Variants in NOL4 observed in about 807,000 individuals in gnomAD.
NOL4 encodes nucleolar protein 4.
Under a neutral mutation model 75.9 loss-of-function variants are expected in NOL4, and 17 were observed. That is an observed-to-expected ratio of 0.22 (90% CI 0.15 to 0.34). The LOEUF is 0.34. Among genes scored for constraint, NOL4 ranks in the 10% least tolerant of loss-of-function variants. NOL4 has a pLI of 1.00. For missense variants in NOL4, 614 were observed against 793.5 expected, an observed-to-expected ratio of 0.77 and a Z score of 2.72; for synonymous variants, 292 against 289.9, an observed-to-expected ratio of 1.01 and a Z score of -0.07.
At chr18:33,993,914 C>T (rs1241381333) in intron 6 of NOL4, among the ~76,000 whole-genome samples, 1 of 151,302 alleles carries the variant, frequency 6.6e-6, no homozygotes, top group African/African-American at 2.4e-5. Flanking sequence ...AAGTGAAACA[C>T]TTAGATTCAA....
intron 1 of NOL4, among the ~76,000 whole-genome samples, chr18:34,145,506 A>G (rs2081361210): frequency 6.6e-6 from 1 of 151,804 alleles, no homozygotes; most frequent in Non-Finnish European, 1.5e-5. Context: ...AATTTTCAAG[A>G]GTCCTAAACT....
At chr18:34,113,004 G>T (rs935303602) in intron 2 of NOL4, among the ~76,000 whole-genome samples, 2 of 152,146 alleles carry the variant, frequency 1.3e-5, no homozygotes, top group South Asian at 2.1e-4. Context: ...AGGGTCACAG[G>T]GTCTCTTTCT....
At chr18:34,181,402 C>T (rs1406476546) in intron 1 of NOL4, among the ~76,000 whole-genome samples, 1 of 151,362 alleles carries the variant, frequency 6.6e-6, no homozygotes, top group African/African-American at 2.4e-5. Context: ...TATGTCATAT[C>T]ATATCCAAAA....
At chr18:34,122,001 T>C (rs900615868) in intron 2 of NOL4, among the ~76,000 whole-genome samples, 1 of 152,194 alleles carries the variant, frequency 6.6e-6, no homozygotes, top group East Asian at 1.9e-4. Flanking sequence ...CACTAATGAA[T>C]ATATCTGACC....
At chr18:34,108,944 C>T (rs2079450943) in intron 2 of NOL4, among the ~76,000 whole-genome samples, 1 of 151,884 alleles carries the variant, frequency 6.6e-6, no homozygotes, top group Admixed American at 6.6e-5. Context: ...ATATGTTAGG[C>T]CACAAAACAA....
At chr18:33,971,798 T>C (rs975519123) in intron 6 of NOL4, among the ~76,000 whole-genome samples, 2 of 152,180 alleles carry the variant, frequency 1.3e-5, no homozygotes, top group Admixed American at 6.5e-5. Context: ...AATAAGCCTG[T>C]TGTCTACAGC....
chr18:33,971,092 T>G (rs2071018668), intron 6 of NOL4, among the ~76,000 whole-genome samples: 1 of 152,212 alleles, frequency 6.6e-6, no homozygotes, highest in African/African-American at 2.4e-5. Context: ...GTATAATAAT[T>G]GGAAGAACGT....
chr18:34,027,375 G>A (rs2075399639), intron 5 of NOL4, among the ~76,000 whole-genome samples: 2 of 152,154 alleles, frequency 1.3e-5, no homozygotes. Context: ...ATAATTGTTG[G>A]GGGTTAATGT....
At chr18:34,033,928 T>C (rs1324103362) in intron 5 of NOL4, among the ~76,000 whole-genome samples, 1 of 151,726 alleles carries the variant, frequency 6.6e-6, no homozygotes, top group Non-Finnish European at 1.5e-5. Context: ...TCACGAAGGA[T>C]ACTATACCCA....
chr18:34,139,347 A>G (rs1228312360), intron 1 of NOL4, among the ~76,000 whole-genome samples: 1 of 152,102 alleles, frequency 6.6e-6, no homozygotes, highest in Non-Finnish European at 1.5e-5. Context: ...TATTGCATCA[A>G]TTTCAGAGCC....
In NOL4 at chr18:34,144,127, T is replaced by C. The variant is rs144993185; in HGVS notation, c.265-14107A>G. On this transcript the variant is annotated intron_variant, in intron 1 of 10. Coordinates refer to ENST00000261592, the MANE Select transcript of NOL4 (RefSeq NM_003787.5). ...ACCACCTCAAGAGTATAGACAATAC[T>C]ACACTATATAAAAATAATTATTCAT... Among the ~76,000 whole-genome samples, 146 of 152,274 alleles carry C rather than the reference T, an allele frequency of 9.6e-4. 1 individual carries two copies. The East Asian group carries it at 0.026, about 28-fold the overall frequency.
chr18:33,983,162 A>C (rs989439713), intron 6 of NOL4, among the ~76,000 whole-genome samples: 4 of 152,138 alleles, frequency 2.6e-5, no homozygotes, highest in Non-Finnish European at 5.9e-5. Context: ...GGAGACAGTA[A>C]AAAGATCAGT....
At position 34,061,231 on chromosome 18, in the gene NOL4, T is replaced by C. The variant is rs138480792; in HGVS notation, c.772+32234A>G. On this transcript the variant is annotated intron_variant, in intron 5 of 10. Transcript: ENST00000261592. ...TGTATTTGGCTTAGTTATCAGTTCA[T>C]CATAGATATATGAAAGATATTTGCT... Among the ~76,000 whole-genome samples the C allele has an allele frequency of 1.1e-4, 16 of 152,308 alleles. No homozygotes were observed. The East Asian group carries it at 3.1e-3, about 29-fold the overall frequency.
intron 5 of NOL4, among the ~76,000 whole-genome samples, chr18:34,057,038 G>A (rs1308551568): frequency 6.6e-6 from 1 of 152,142 alleles, no homozygotes; most frequent in Non-Finnish European, 1.5e-5. Context: ...TTCTTCTCTA[G>A]CTTCAGGCAT....
At chr18:34,155,274 A>C (rs1406361639) in intron 1 of NOL4, among the ~76,000 whole-genome samples, 1 of 152,032 alleles carries the variant, frequency 6.6e-6, no homozygotes, top group Non-Finnish European at 1.5e-5. Flanking sequence ...TTTTATAAAG[A>C]ATCACTGATT....
At chr18:33,886,890 G>T (rs1273775205) in intron 9 of NOL4, among the ~76,000 whole-genome samples, 11 of 128,776 alleles carry the variant, frequency 8.5e-5, no homozygotes, top group African/African-American at 3.3e-4. Context: ...TATATATCTA[G>T]ATATATTATA....
At chr18:34,121,958 G>A (rs1298896731) in intron 2 of NOL4, among the ~76,000 whole-genome samples, 3 of 152,152 alleles carry the variant, frequency 2.0e-5, no homozygotes, top group African/African-American at 7.2e-5. Flanking sequence ...GCCCAATTGA[G>A]AGATAACACT....
intron 6 of NOL4, among the ~76,000 whole-genome samples, chr18:33,972,811 A>C (rs1195757999): frequency 6.6e-6 from 1 of 152,216 alleles, no homozygotes; most frequent in Non-Finnish European, 1.5e-5. Flanking sequence ...TTAATTTAAA[A>C]ATACTCTATT....
chr18:33,905,822 A>AT (rs1568040618), intron 9 of NOL4, among the ~76,000 whole-genome samples: 1 of 152,164 alleles, frequency 6.6e-6, no homozygotes. Flanking sequence ...TACAAGGGGA[A>AT]TATTTCCTTA....
Sources: gnomAD v4.1 joint callset for allele counts (sites outside exome capture counted in the v4.1 genomes callset) on GRCh38, gnomAD v4.1.1 for gene constraint, MANE v1.5 for transcripts, NCBI Gene and HGNC (gene_info 2026-07-23, HGNC 2026-07-21) for gene names.